ADCY5: variants seen among roughly 807,000 people sequenced by gnomAD.
The protein encoded by ADCY5 is adenylate cyclase 5.
A neutral mutation model predicts 119.7 loss-of-function variants in ADCY5; 30 were observed. The observed-to-expected ratio is 0.25, with a 90% CI of 0.19 to 0.34. ADCY5 has a LOEUF of 0.34. Ranked by LOEUF, ADCY5 falls within the 10% of genes least tolerant of loss-of-function variation. The pLI, the probability that ADCY5 is intolerant of heterozygous loss-of-function variation, is 1.00. For synonymous variants in ADCY5, 753 were observed against 762.2 expected, an observed-to-expected ratio of 0.99 and a Z score of 0.20; for missense variants, 1,324 against 1,775.2, an observed-to-expected ratio of 0.75 and a Z score of 4.57.
At chr3:123,324,181 C>A (rs149059799) in intron 8 of ADCY5, among the ~76,000 whole-genome samples, 71 of 152,214 alleles carry the variant, frequency 4.7e-4, no homozygotes, top group Non-Finnish European at 8.8e-4. Context: ...TCCTTAAGCT[C>A]GTATCATCTG....
intron 1 of ADCY5, among the ~76,000 whole-genome samples, chr3:123,404,778 G>A (rs1213602977): frequency 1.3e-5 from 2 of 152,216 alleles, no homozygotes; most frequent in Non-Finnish European, 2.9e-5. Context: ...CACAAGGCCA[G>A]GGCTCACTAC....
At chr3:123,405,628 CATTTT>C (rs1330590210) in intron 1 of ADCY5, among the ~76,000 whole-genome samples, 1 of 152,022 alleles carries the variant, frequency 6.6e-6, no homozygotes, top group Non-Finnish European at 1.5e-5. Context: ...TATTTTACTC[CATTTT>C]ATTTTATTTT....
intron 1 of ADCY5, among the ~76,000 whole-genome samples, chr3:123,358,196 AGGGAGT>A (rs1943112354): frequency 9.2e-5 from 4 of 43,288 alleles, no homozygotes; most frequent in African/African-American, 4.0e-4. Context: ...GTGTGTGTGT[AGGGAGT>A]TGGTGGTATG....
rs1347135931 is a variant in ADCY5, at chr3:123,319,652, C to T, written c.2256+22G>A. Reference sequence around the variant, plus strand: ...GGTCCTGGTTCAGCACAGGGGCCTCCTTCCCACCCAGGGTGCTGTACCTTC... The same window carrying T: ...GGTCCTGGTTCAGCACAGGGGCCTCTTTCCCACCCAGGGTGCTGTACCTTC... On this transcript the variant is annotated intron_variant, in intron 10 of 20. Transcript: ENST00000462833. 6.8e-6 allele frequency: 11 copies of T among 1,611,352 alleles called. 1 individual carries two copies. The East Asian group carries it at 2.5e-4, about 36-fold the overall frequency.
At chr3:123,305,623 C>T (rs898835009) in intron 12 of ADCY5, among the ~76,000 whole-genome samples, 1 of 146,682 alleles carries the variant, frequency 6.8e-6, no homozygotes, top group Non-Finnish European at 1.5e-5. Context: ...GTCTCTGACC[C>T]AGGAGTCTTG....
At chr3:123,419,532 T>C (rs1458041425) in intron 1 of ADCY5, among the ~76,000 whole-genome samples, 1 of 152,074 alleles carries the variant, frequency 6.6e-6, no homozygotes, top group African/African-American at 2.4e-5. Context: ...GTGGATCCCC[T>C]TTTACACTTC....
intron 8 of ADCY5, among the ~76,000 whole-genome samples, chr3:123,323,465 C>T (rs1466948412): frequency 5.3e-5 from 8 of 152,226 alleles, no homozygotes; most frequent in Non-Finnish European, 1.0e-4. Context: ...GAATCTCTCA[C>T]CACCAGGCCC....
intron 1 of ADCY5, among the ~76,000 whole-genome samples, chr3:123,400,680 C>T (rs1380790138): frequency 1.3e-5 from 2 of 152,218 alleles, no homozygotes; most frequent in African/African-American, 2.4e-5. Context: ...GGCACGGTGG[C>T]TCACGCCTGT....
chr3:123,430,538 C>T (rs1159389128), intron 1 of ADCY5, among the ~76,000 whole-genome samples: 7 of 152,214 alleles, frequency 4.6e-5, no homozygotes, highest in African/African-American at 1.2e-4. Flanking sequence ...AGCAACACCC[C>T]GCACGGGGAA....
intron 1 of ADCY5, among the ~76,000 whole-genome samples, chr3:123,438,926 A>T (rs1340174475): frequency 6.6e-6 from 1 of 151,660 alleles, no homozygotes; most frequent in African/African-American, 2.4e-5. Flanking sequence ...TTTTTAAAAA[A>T]TTTTTTGTAG....
chr3:123,286,320 T>C lies in ADCY5; in HGVS notation c.3657+365A>G, dbSNP rs1397963622. Reference sequence around the variant, plus strand: ...CCAGGAGTGCTGCAGGCTCAATGGGTAAGACCTGCTCCCTGCAGACATCTT... The same window carrying C: ...CCAGGAGTGCTGCAGGCTCAATGGGCAAGACCTGCTCCCTGCAGACATCTT... On this transcript the variant is annotated intron_variant, in intron 20 of 20. Coordinates refer to ENST00000462833, the MANE Select transcript of ADCY5 (RefSeq NM_183357.3). This position sits in a 1 kb window ranked among gnomAD's most constrained non-coding sequence, Gnocchi z 4.2. Among the ~76,000 whole-genome samples the C allele has an allele frequency of 6.6e-6, 1 of 152,006 alleles. No individual in the cohort carries two copies. The highest frequency in any genetic ancestry group is 1.5e-5 in the Non-Finnish European group (1 of 67,984).
intron 1 of ADCY5, among the ~76,000 whole-genome samples, chr3:123,443,997 T>C (rs1455677042): frequency 6.6e-6 from 1 of 152,174 alleles, no homozygotes; most frequent in Non-Finnish European, 1.5e-5. Flanking sequence ...AAAATAATCG[T>C]TAATAGCTAA....
Position 123,447,809 on chromosome 3 carries a change from A to T in ADCY5, c.737T>A (p.Met246Lys). 1 of 1,612,724 alleles carries T rather than the reference A, an allele frequency of 6.2e-7. No homozygotes were observed. The highest frequency in any genetic ancestry group is 8.5e-7 in the Non-Finnish European group (1 of 1,179,580). Residue 246 changes from methionine to lysine, a missense_variant, in exon 1 of 21, where the codon ATG becomes AAG. Met to Lys is a moderately conservative substitution (Grantham distance 95). This residue lies in a region of ADCY5 where 585 missense variants were observed against 569.9 expected (regional missense o/e 1.03). Coordinates refer to ENST00000462833, the MANE Select transcript of ADCY5 (RefSeq NM_183357.3). ...CAGGCACACGAGCACCAGCACGGCC[A>T]TGAGCATGGTGAGGCTGCTCTGGTT... ...RLNQSSLTML[M>K]AVLVLVCLVM...
chr3:123,423,463 G>A (rs1248119664), intron 1 of ADCY5, among the ~76,000 whole-genome samples: 1 of 152,176 alleles, frequency 6.6e-6, no homozygotes, highest in Non-Finnish European at 1.5e-5. Context: ...TTTAGGCGCC[G>A]AGGACTGGGC....
intron 3 of ADCY5, among the ~76,000 whole-genome samples, chr3:123,345,755 CAGACAG>C (rs1366217022): frequency 4.0e-3 from 224 of 56,314 alleles, no homozygotes; most frequent in East Asian, 7.6e-3. Flanking sequence ...GACAGACAGA[CAGACAG>C]ACAGACAGAC....
At chr3:123,419,446 C>T (rs1318930434) in intron 1 of ADCY5, among the ~76,000 whole-genome samples, 1 of 152,136 alleles carries the variant, frequency 6.6e-6, no homozygotes, top group Admixed American at 6.6e-5. Context: ...CCCACGTTGC[C>T]AGACTTGCAT....
chr3:123,352,389 G>A lies in ADCY5; in HGVS notation c.1284+43C>T, dbSNP rs753426539. 6 of 1,572,892 alleles carry A rather than the reference G, an allele frequency of 3.8e-6. No homozygotes were observed. In the East Asian group the frequency reaches 1.1e-4, roughly 30 times the overall value. On this transcript the variant is annotated intron_variant, in intron 2 of 20. Coordinates refer to ENST00000462833, the MANE Select transcript of ADCY5 (RefSeq NM_183357.3). The surrounding 1 kb of genome is among the most constrained non-coding windows in gnomAD (Gnocchi z 4.8). ...GCACTCAGCTGAGGTACATCTCAGG[G>A]CTCGACTCCGTCCCACTGTGCAAGG...
chr3:123,346,825 C>A (rs1230511838), intron 3 of ADCY5, among the ~76,000 whole-genome samples: 5 of 152,148 alleles, frequency 3.3e-5, no homozygotes. Flanking sequence ...CACAGCAGCT[C>A]CTTTTCTGGG....
chr3:123,294,030 C>T (rs1466410973), intron 17 of ADCY5, among the ~76,000 whole-genome samples: 1 of 152,126 alleles, frequency 6.6e-6, no homozygotes, highest in Non-Finnish European at 1.5e-5. Flanking sequence ...TAACAGACGC[C>T]AACTTGAAAT....
Sources: allele counts gnomAD v4.1 joint callset (sites outside exome capture counted in the v4.1 genomes callset), GRCh38; gene constraint gnomAD v4.1.1; regional missense constraint gnomAD v4.1.1; non-coding constraint Gnocchi (gnomAD v3.1); transcripts MANE v1.5; gene names NCBI Gene and HGNC (gene_info 2026-07-23, HGNC 2026-07-21).